Variants in THAP6 observed in about 807,000 individuals in gnomAD.
THAP6 encodes the protein THAP domain containing 6, also known as THAP domain-containing protein 6.
A neutral mutation model predicts 20.0 loss-of-function variants in THAP6; 13 were observed. That is an observed-to-expected ratio of 0.65 (90% CI 0.42 to 1.03). The LOEUF (loss-of-function observed/expected upper bound fraction) is 1.03, where lower values mean the gene tolerates loss of function less well. Among genes scored for constraint, THAP6 ranks in the 50% least tolerant of loss-of-function variants. The pLI is 0.00. For synonymous variants in THAP6, 93 were observed against 92.2 expected (o/e 1.01, Z -0.05); for missense variants, 262 against 261.6 (o/e 1.00, Z -0.01).
chr4:75,525,931 C>G (rs1410990592), intron 4 of THAP6, among the ~76,000 whole-genome samples: 4 of 152,194 alleles, frequency 2.6e-5, no homozygotes, highest in Non-Finnish European at 5.9e-5. Flanking sequence ...TGTGCATGTG[C>G]TGATCTTACT....
intron 4 of THAP6, chr4:75,522,531 C>T (rs1490665099): frequency 1.3e-5 from 2 of 152,042 alleles, no homozygotes; most frequent in Non-Finnish European, 2.9e-5. Context: ...AATACTAGAT[C>T]TTAGTCTGTC....
chr4:75,525,697 T>G (rs897375339), intron 4 of THAP6, among the ~76,000 whole-genome samples: 1 of 152,206 alleles, frequency 6.6e-6, no homozygotes, highest in Non-Finnish European at 1.5e-5. Context: ...ATGCTAGATA[T>G]TTTTGTATCA....
intron 3 of THAP6, chr4:75,517,570 G>A (rs752404495): frequency 6.6e-6 from 1 of 152,392 alleles, no homozygotes; most frequent in African/African-American, 2.4e-5. Flanking sequence ...GGAAGTTAAC[G>A]TAAGAAGGTT....
At position 75,529,997 on chromosome 4, in the gene THAP6, A is replaced by T; in HGVS notation, c.*2783A>T. 1 of 930,604 alleles carries T rather than the reference A, an allele frequency of 1.1e-6. No homozygotes were observed. Among genetic ancestry groups the T allele is most frequent in the Non-Finnish European group, 1.3e-6 (1 of 779,990 alleles). The allele number at this position is 930,604 out of a possible 1,614,324, so 57.6% of individuals were successfully genotyped here. On this transcript the variant is annotated 3_prime_UTR_variant, in exon 5 of 5. Coordinates refer to ENST00000311638, the MANE Select transcript of THAP6 (RefSeq NM_144721.6). ...AGAGAGAGAAAATCTATTATAATTT[A>T]TTTGAAAAATAAAACATTTTATCCA...
At chr4:75,519,766 G>C (rs1270675234) in intron 3 of THAP6, among the ~76,000 whole-genome samples, 3 of 151,524 alleles carry the variant, frequency 2.0e-5, no homozygotes, top group Non-Finnish European at 4.4e-5. Context: ...CTTTGCTATT[G>C]TGAATAATGC....
chr4:75,528,576 C>T lies in THAP6; in HGVS notation c.*1362C>T, dbSNP rs115010129. On this transcript the variant is annotated 3_prime_UTR_variant, in exon 5 of 5. Transcript: ENST00000311638. ...ATTAATATTAGTTAAGATATGGTCACTTGAATTTTTTGTATTTAAGAATTT... is the reference window on the plus strand; with the variant it reads ...ATTAATATTAGTTAAGATATGGTCATTTGAATTTTTTGTATTTAAGAATTT... 1,524 of 983,038 alleles carry T rather than the reference C, an allele frequency of 1.6e-3. 20 individuals carry two copies. In the African/African-American group the frequency reaches 0.025, roughly 16 times the overall value. 60.9% of individuals were successfully genotyped at this position (983,038 alleles called of 1,614,324 possible).
chr4:75,520,245 G>A (rs936498324), intron 3 of THAP6, among the ~76,000 whole-genome samples: 4 of 152,226 alleles, frequency 2.6e-5, no homozygotes, highest in Admixed American at 2.0e-4. Context: ...TGTCAGATGA[G>A]TAGGTTGCGA....
chr4:75,533,158 A>C (rs1399528451), downstream of THAP6, among the ~76,000 whole-genome samples: 1 of 152,182 alleles, frequency 6.6e-6, no homozygotes, highest in African/African-American at 2.4e-5. Context: ...TCACCTCTTG[A>C]ATGCTTTGCC....
In THAP6 at chr4:75,528,716, AT is replaced by A. The variant is rs747567533; in HGVS notation, c.*1503del. 1.8e-5 allele frequency: 18 copies of A among 978,820 alleles called. No individual in the cohort carries two copies. Among genetic ancestry groups the A allele is most frequent in the African/African-American group, 5.3e-5 (3 of 56,384 alleles). The allele number at this position is 978,820 out of a possible 1,614,324, so 60.6% of individuals were successfully genotyped here. ...GCTAAGAGGAAATCACTGAGGCCAT[AT>A]CTTTTTACAATCTGAAAAAAAAGTA... On this transcript the variant is annotated 3_prime_UTR_variant, in exon 5 of 5. Coordinates refer to ENST00000311638, the MANE Select transcript of THAP6 (RefSeq NM_144721.6).
At chr4:75,521,919 C>T (rs1726059253) in intron 4 of THAP6, 58 bp downstream of exon 4, 2 of 1,593,398 alleles carry the variant, frequency 1.3e-6, no homozygotes, top group African/African-American at 2.7e-5. Flanking sequence ...ATGTCCTCTC[C>T]ATTACAATCA....
At chr4:75,515,620 T>C in intron 2 of THAP6, 88 bp downstream of exon 2, 1 of 1,280,504 alleles carries the variant, frequency 7.8e-7, no homozygotes. Context: ...ATTTTGAACT[T>C]TAGTTCCCGA....
intron 3 of THAP6, among the ~76,000 whole-genome samples, chr4:75,520,612 A>G (rs1725963157): frequency 6.6e-6 from 1 of 152,210 alleles, no homozygotes; most frequent in African/African-American, 2.4e-5. Flanking sequence ...AAACAGGACT[A>G]AAATGAACAT....
intron 1 of THAP6, 145 bp from the exon 2 acceptor site, chr4:75,515,288 T>G (rs1725486006): frequency 1.5e-6 from 1 of 657,060 alleles, no homozygotes; most frequent in South Asian, 1.9e-5. Flanking sequence ...TGGAAAATGA[T>G]GTAAGCAAAG....
chr4:75,531,246 C>A (rs1726671317), downstream of THAP6, among the ~76,000 whole-genome samples: 1 of 152,098 alleles, frequency 6.6e-6, no homozygotes, highest in South Asian at 2.1e-4. Context: ...ATGACCAGCC[C>A]CAAATAAAAC....
intron 3 of THAP6, chr4:75,543,147 C>T (rs1040404374): frequency 2.6e-5 from 4 of 152,204 alleles, no homozygotes; most frequent in South Asian, 2.1e-4. Context: ...TAATGCTTTA[C>T]TCAGCCACTG....
chr4:75,536,248 T>G (rs902416231), intron 2 of THAP6, among the ~76,000 whole-genome samples: 3 of 152,182 alleles, frequency 2.0e-5, no homozygotes, highest in African/African-American at 7.2e-5. Flanking sequence ...GCAGATCACC[T>G]GAGGTCGGGA....
chr4:75,515,531 G>C lies in THAP6; in HGVS notation c.79G>C (p.Val27Leu), dbSNP rs771120306. 1.2e-6 allele frequency: 2 copies of C among 1,613,394 alleles called. No individual in the cohort carries two copies. Among genetic ancestry groups the C allele is most frequent in the Non-Finnish European group, 1.7e-6 (2 of 1,179,368 alleles). The change falls in exon 2 of 5, where the codon GTA (valine) becomes CTA (leucine). Residue 27 changes from valine (V) to leucine (L), a missense_variant and splice_region_variant. Physicochemically the swap from Val to Leu is conservative, Grantham distance 32 (BLOSUM62 1). Transcript: ENST00000311638. ...NSKLKGLTFH[V>L]FPTDENIKRK... ...GAAGTTAAAAGGACTGACATTTCAC[G>C]TGTAAGATTTTGCTGTAGTTAAGCC...
At chr4:75,533,299 G>A (rs1262338175), downstream of THAP6, among the ~76,000 whole-genome samples, 1 of 152,166 alleles carries the variant, frequency 6.6e-6, no homozygotes, top group African/African-American at 2.4e-5. Context: ...CTTTGCTCCA[G>A]TTCCCAACAA....
chr4:75,528,557 ATTAG>A lies in THAP6; in HGVS notation c.*1347_*1350del, dbSNP rs532901193. The A allele has an allele frequency of 7.9e-4, 771 of 981,724 alleles. 6 individuals carry two copies. The African/African-American group carries it at 0.013, about 17-fold the overall frequency. 60.8% of individuals were successfully genotyped at this position (981,724 alleles called of 1,614,324 possible). ...GTAATTTTATTTTTGTTACATTAAT[ATTAG>A]TTAAGATATGGTCACTTGAATTTTT... On this transcript the variant is annotated 3_prime_UTR_variant, in exon 5 of 5. Transcript: ENST00000311638.
Sources: allele counts gnomAD v4.1 joint callset (sites outside exome capture counted in the v4.1 genomes callset), GRCh38; gene constraint gnomAD v4.1.1; transcripts MANE v1.5; gene names NCBI Gene and HGNC (gene_info 2026-07-23, HGNC 2026-07-21).